Variants in NLRC3 observed in about 807,000 individuals in gnomAD.
The protein encoded by NLRC3 is NLR family CARD domain-containing protein 3.
Under a neutral mutation model 91.6 loss-of-function variants are expected in NLRC3, and 87 were observed. The observed-to-expected ratio is 0.95, with a 90% CI of 0.80 to 1.14. The LOEUF (loss-of-function observed/expected upper bound fraction) is 1.14, where lower values mean the gene tolerates loss of function less well. Ranked by LOEUF, NLRC3 falls within the 50% of genes most tolerant of loss-of-function variation. The pLI is 0.00. For missense variants in NLRC3, 1,577 were observed against 1,418.6 expected (o/e 1.11, Z -1.79); for synonymous variants, 694 against 625.3 (o/e 1.11, Z -1.64).
chr16:3,557,705 AT>A, intron 6 of NLRC3, 29 bp from the exon 7 acceptor site: 1 of 1,456,392 alleles, frequency 6.9e-7, no homozygotes, highest in Non-Finnish European at 9.6e-7. Context: ...AGGAGTGGTT[AT>A]TTTAGGCATG....
rs771175029 is a variant in NLRC3, at chr16:3,544,256, T to C, written c.2845A>G (p.Thr949Ala). Residue 949 changes from threonine (T) to alanine (A), a missense_variant, in exon 16 of 20, where the codon ACT becomes GCT. Physicochemically the swap from Thr to Ala is moderately conservative, Grantham distance 58. Coordinates refer to ENST00000359128, the MANE Select transcript of NLRC3 (RefSeq NM_178844.4). Reference protein sequence around the residue: ...ARALKVNTALTALYLQVASIG... With the variant: ...ARALKVNTALAALYLQVASIG... ...ACATCTAGGACTTACTAGAGAGCAG[T>C]GAGGGCTGTGTTGACCTTCAGTGCA... The C allele has an allele frequency of 7.5e-6, 12 of 1,606,584 alleles. No individual in the cohort carries two copies. The South Asian group carries it at 1.2e-4, about 16-fold the overall frequency.
chr16:3,547,565 C>T (rs1455526220), intron 15 of NLRC3, among the ~76,000 whole-genome samples: 2 of 151,820 alleles, frequency 1.3e-5, no homozygotes, highest in Non-Finnish European at 2.9e-5. Flanking sequence ...ATCAAGCTGT[C>T]ATATATCTAT....
chr16:3,548,570 GT>G, intron 14 of NLRC3, 99 bp downstream of exon 14: 1 of 886,414 alleles, frequency 1.1e-6, no homozygotes, highest in Non-Finnish European at 1.8e-6. Flanking sequence ...TTTGCAGGGG[GT>G]GTCCCCAAAC....
rs2038356176 is a variant in NLRC3 at position 3,540,619 on chromosome 16, A to G, written c.*1206T>C. On this transcript the variant is annotated 3_prime_UTR_variant, in exon 20 of 20. Coordinates refer to ENST00000359128, the MANE Select transcript of NLRC3 (RefSeq NM_178844.4). ...GGAGTTAAAGACCAGCCTGATCAACATGGTGAAACCCCATCTCTACTAAAA... is the reference window on the plus strand; with the variant it reads ...GGAGTTAAAGACCAGCCTGATCAACGTGGTGAAACCCCATCTCTACTAAAA... 1.3e-5 allele frequency: 2 copies of G among 152,164 alleles called. No individual in the cohort carries two copies. Among genetic ancestry groups the G allele is most frequent in the African/African-American group, 4.8e-5 (2 of 41,418 alleles). 9.4% of individuals were successfully genotyped at this position (152,164 alleles called of 1,614,324 possible). A position where few individuals can be genotyped will look rare whatever the true frequency, so the allele number is the denominator to read the frequency against.
chr16:3,546,848 G>A (rs1043184920), intron 15 of NLRC3, among the ~76,000 whole-genome samples: 3 of 152,050 alleles, frequency 2.0e-5, no homozygotes, highest in Non-Finnish European at 2.9e-5. Context: ...GAAAAGAGAC[G>A]CCAGGCAAGC....
At chr16:3,549,037 CT>C in intron 13 of NLRC3, 104 bp downstream of exon 13, 1 of 908,086 alleles carries the variant, frequency 1.1e-6, no homozygotes, top group Non-Finnish European at 1.8e-6. Flanking sequence ...CAGCCAGCTC[CT>C]TCTCCAACCC....
At position 3,549,231 on chromosome 16, in the gene NLRC3, A is replaced by G. The variant is rs773675764; in HGVS notation, c.2520-6T>C. On this transcript the variant is annotated splice_polypyrimidine_tract_variant and splice_region_variant and intron_variant, in intron 12 of 19. Transcript: ENST00000359128. Reference sequence around the variant, plus strand: ...TGATGGAGTTTTCTCGAAGGCTGAAAAAAAAGGAAAGACCTGAGCTTCTGA... The same window carrying G: ...TGATGGAGTTTTCTCGAAGGCTGAAGAAAAAGGAAAGACCTGAGCTTCTGA... 4.8e-5 allele frequency: 75 copies of G among 1,569,268 alleles called. 1 individual carries two copies. In the South Asian group the frequency reaches 8.2e-4, roughly 17 times the overall value.
chr16:3,565,343 G>A lies in NLRC3; in HGVS notation c.-49C>T. ...CCAGATAGGTGACTGAGGGCAGGCT[G>A]AGTCACCTCTCTGCGCCTTGGTGTC... On this transcript the variant is annotated 5_prime_UTR_variant, in exon 3 of 20. The change creates a premature stop within an existing upstream ORF in the 5' untranslated region. Transcript: ENST00000359128. 2 of 629,938 alleles carry A rather than the reference G, an allele frequency of 3.2e-6. No individual in the cohort carries two copies. The highest frequency in any genetic ancestry group is 5.9e-6 in the Non-Finnish European group (2 of 338,346). 39.0% of individuals were successfully genotyped at this position (629,938 alleles called of 1,614,324 possible).
At chr16:3,565,523 C>G in intron 2 of NLRC3, 143 bp from the exon 3 acceptor site, 1 of 340,580 alleles carries the variant, frequency 2.9e-6, no homozygotes, top group Non-Finnish European at 5.5e-6. Context: ...TCTGGGGACG[C>G]TACACTGTGT....
intron 1 of NLRC3, among the ~76,000 whole-genome samples, chr16:3,576,614 G>T (rs1197043608): frequency 1.3e-5 from 2 of 152,170 alleles, no homozygotes; most frequent in Non-Finnish European, 2.9e-5. Flanking sequence ...TTGTCCCTGG[G>T]ACCTGTCCTG....
At chr16:3,555,921 T>TAAAA (rs1345007863) in intron 8 of NLRC3, 1 of 107,772 alleles carries the variant, frequency 9.3e-6, no homozygotes, top group African/African-American at 3.7e-5. Context: ...TTCACCCTAA[T>TAAAA]AAAAATAAAT....
chr16:3,543,395 A>G, intron 17 of NLRC3, 30 bp downstream of exon 17: 1 of 1,492,532 alleles, frequency 6.7e-7, no homozygotes, highest in African/African-American at 1.4e-5. Context: ...CTTTGGGCTA[A>G]AGACCATAGA....
At chr16:3,575,052 C>T (rs1011696258) in intron 1 of NLRC3, among the ~76,000 whole-genome samples, 2 of 152,234 alleles carry the variant, frequency 1.3e-5, no homozygotes, top group African/African-American at 4.8e-5. Context: ...TTATGTCATA[C>T]TGGAGACATA....
chr16:3,559,933 G>A (rs866565746), intron 6 of NLRC3, among the ~76,000 whole-genome samples: 4 of 151,884 alleles, frequency 2.6e-5, no homozygotes, highest in Admixed American at 6.6e-5. Context: ...ATGAGCCACC[G>A]CCCCTGGCCT....
chr16:3,561,073 TG>T (rs1462038239), intron 6 of NLRC3, among the ~76,000 whole-genome samples: 11 of 151,944 alleles, frequency 7.2e-5, no homozygotes, highest in African/African-American at 2.7e-4. Flanking sequence ...TGCAATTGGC[TG>T]GGTGCAGTAG....
rs184485600 is a variant in NLRC3, at chr16:3,547,517, T to C, written c.2771+618A>G. 3.9e-5 allele frequency among the ~76,000 whole-genome samples: 6 copies of C among 152,202 alleles called. No individual in the cohort carries two copies. The East Asian group carries it at 1.2e-3, about 29-fold the overall frequency. On this transcript the variant is annotated intron_variant, in intron 15 of 19. Coordinates refer to ENST00000359128, the MANE Select transcript of NLRC3 (RefSeq NM_178844.4). ...CACTAGAAACCAGTGAATTGTATAC[T>C]AAGTGGGTGGATCTTCTGGCGTGAA...
Position 3,552,246 on chromosome 16 carries a change from G to A in NLRC3, c.2301C>T (p.Ala767=), listed in dbSNP as rs746984848. The A allele has an allele frequency of 6.2e-7, 1 of 1,613,448 alleles. No homozygotes were observed. Among genetic ancestry groups the A allele is most frequent in the East Asian group, 2.2e-5 (1 of 44,900 alleles). ...GCTTCAAGGCATCTGCCATCCGCTG[G>A]GCTCCCATGGGCCCGATGCTGTTCT... is the stretch of plus-strand genomic sequence containing the variant. ...LQKNSIGPMG[A]QRMADALKQN... Residue 767 remains alanine (A), a synonymous_variant, in exon 10 of 20, where the codon GCC becomes GCT. Coordinates refer to ENST00000359128, the MANE Select transcript of NLRC3 (RefSeq NM_178844.4).
intron 13 of NLRC3, 95 bp downstream of exon 13, chr16:3,549,047 C>A: frequency 1.0e-6 from 1 of 975,546 alleles, no homozygotes. Flanking sequence ...CTTCTCCAAC[C>A]CTGTGACGTG....
intron 1 of NLRC3, among the ~76,000 whole-genome samples, chr16:3,569,397 A>AGATATATATATATATATATATTTTTT (rs2040013423): frequency 2.4e-5 from 1 of 41,046 alleles, no homozygotes; most frequent in African/African-American, 1.2e-4. Flanking sequence ...TATATATATT[A>AGATATATATATATATATATATTTTTT]TTTTTTTTTT....
Sources: allele counts gnomAD v4.1 joint callset (sites outside exome capture counted in the v4.1 genomes callset), GRCh38; gene constraint gnomAD v4.1.1; transcripts MANE v1.5; gene names NCBI Gene and HGNC (gene_info 2026-07-23, HGNC 2026-07-21).